Variants in ANKS1B observed in about 807,000 individuals in gnomAD.
ANKS1B encodes the protein ankyrin repeat and sterile alpha motif domain containing 1B, also known as ankyrin repeat and sterile alpha motif domain-containing protein 1B.
In ANKS1B, 36 loss-of-function variants were observed where a neutral mutation model predicts 148.3. The observed-to-expected ratio is 0.24, with a 90% CI of 0.19 to 0.32. ANKS1B has a LOEUF of 0.32. Among genes scored for constraint, ANKS1B ranks in the 10% least tolerant of loss-of-function variants. The probability of loss-of-function intolerance (pLI) is 1.00; values close to 1 mark genes in which losing one functional copy is unlikely to be tolerated. For missense variants in ANKS1B, 1,157 were observed against 1,542.6 expected (o/e 0.75, Z 4.19); for synonymous variants, 542 against 560.8 (o/e 0.97, Z 0.47).
At position 99,556,228 on chromosome 12, in the gene ANKS1B, A is replaced by C. The variant is rs141014096; in HGVS notation, c.1273-51587T>G. The stretch of plus-strand genomic sequence containing the variant: ...CTCGATTGTGTATGCAGAGGTGTTG[A>C]TAATAGTTCCTGAGGGTTTTGTGTA... On this transcript the variant is annotated intron_variant, in intron 9 of 26. Transcript: ENST00000683438. Among the ~76,000 whole-genome samples, 290 of 152,252 alleles carry C rather than the reference A, an allele frequency of 1.9e-3. 1 individual carries two copies. The highest frequency in any genetic ancestry group is 6.8e-3 in the African/African-American group (281 of 41,544).
intron 8 of ANKS1B, among the ~76,000 whole-genome samples, chr12:99,661,623 G>A (rs2098477950): frequency 6.6e-6 from 1 of 152,042 alleles, no homozygotes; most frequent in Non-Finnish European, 1.5e-5. Context: ...ACTTCCTCTT[G>A]CCTCGTACCT....
intron 17 of ANKS1B, among the ~76,000 whole-genome samples, chr12:98,945,896 T>G (rs914144432): frequency 6.6e-6 from 1 of 152,222 alleles, no homozygotes; most frequent in Non-Finnish European, 1.5e-5. Flanking sequence ...TTACAGCTTC[T>G]TGAACAAATC....
At chr12:99,321,396 C>A (rs1428059352) in intron 12 of ANKS1B, among the ~76,000 whole-genome samples, 1 of 152,212 alleles carries the variant, frequency 6.6e-6, no homozygotes, top group Non-Finnish European at 1.5e-5. Context: ...ACTCAAGCCT[C>A]GGCAATGGCG....
chr12:99,320,713 T>C (rs2085094031), intron 12 of ANKS1B, among the ~76,000 whole-genome samples: 1 of 152,212 alleles, frequency 6.6e-6, no homozygotes, highest in Non-Finnish European at 1.5e-5. Flanking sequence ...TCAAAGTCAT[T>C]TTCCGTTCAG....
At chr12:99,070,340 G>A (rs745855935) in intron 16 of ANKS1B, among the ~76,000 whole-genome samples, 8 of 152,124 alleles carry the variant, frequency 5.3e-5, no homozygotes, top group Admixed American at 1.3e-4. Context: ...GAAATACCAC[G>A]TAATGAAACA....
At chr12:99,267,914 A>T (rs2076615451) in intron 12 of ANKS1B, among the ~76,000 whole-genome samples, 1 of 152,184 alleles carries the variant, frequency 6.6e-6, no homozygotes, top group African/African-American at 2.4e-5. Flanking sequence ...TGTATGTATG[A>T]TTGCTGAAAG....
intron 12 of ANKS1B, among the ~76,000 whole-genome samples, chr12:99,315,755 T>C (rs919426633): frequency 2.0e-5 from 3 of 152,164 alleles, no homozygotes; most frequent in African/African-American, 7.2e-5. Context: ...TGTGCCATGT[T>C]GGTGTGCTGC....
At chr12:99,503,993 G>A (rs1349239268) in intron 10 of ANKS1B, among the ~76,000 whole-genome samples, 1 of 152,082 alleles carries the variant, frequency 6.6e-6, no homozygotes, top group Non-Finnish European at 1.5e-5. Flanking sequence ...CAGCAAAATA[G>A]GGATAATATT....
chr12:99,799,616 C>T (rs2066694003), intron 4 of ANKS1B, among the ~76,000 whole-genome samples: 1 of 151,938 alleles, frequency 6.6e-6, no homozygotes, highest in African/African-American at 2.4e-5. Context: ...CATAGGGAAG[C>T]CAGGGTTCAG....
At chr12:98,983,917 AG>A (rs1178635161) in intron 17 of ANKS1B, among the ~76,000 whole-genome samples, 1 of 152,216 alleles carries the variant, frequency 6.6e-6, no homozygotes, top group African/African-American at 2.4e-5. Flanking sequence ...GTAGATGAAT[AG>A]TTTTATCTCC....
chr12:99,936,589 A>G (rs1300979434), intron 1 of ANKS1B, among the ~76,000 whole-genome samples: 1 of 152,172 alleles, frequency 6.6e-6, no homozygotes, highest in Non-Finnish European at 1.5e-5. Context: ...TATGTTACTG[A>G]CTGGGAATAT....
chr12:98,844,593 T>C (rs1407400139), intron 17 of ANKS1B, among the ~76,000 whole-genome samples: 1 of 152,204 alleles, frequency 6.6e-6, no homozygotes, highest in Non-Finnish European at 1.5e-5. Context: ...TATAGTGTCT[T>C]TGATTCCAAT....
At chr12:99,740,161 A>G (rs1037756274) in intron 8 of ANKS1B, among the ~76,000 whole-genome samples, 2 of 152,004 alleles carry the variant, frequency 1.3e-5, no homozygotes, top group African/African-American at 4.8e-5. Context: ...AAAGAAATTA[A>G]TTAGCTGGCC....
chr12:99,768,672 A>G (rs2062886513), intron 8 of ANKS1B, among the ~76,000 whole-genome samples: 1 of 151,888 alleles, frequency 6.6e-6, no homozygotes, highest in African/African-American at 2.4e-5. Flanking sequence ...CTAAAATACA[A>G]AAAATTAGCC....
chr12:99,714,919 G>A (rs541598185), intron 8 of ANKS1B, among the ~76,000 whole-genome samples: 80 of 149,322 alleles, frequency 5.4e-4, no homozygotes, highest in Non-Finnish European at 9.5e-4. Flanking sequence ...AGGAGTTCGA[G>A]ACCAGCCTGG....
chr12:99,958,954 C>T (rs941567807), intron 1 of ANKS1B, among the ~76,000 whole-genome samples: 1 of 151,898 alleles, frequency 6.6e-6, no homozygotes. Context: ...AATAGGACAC[C>T]GGGGATAACA....
At chr12:99,134,443 G>A (rs912179801) in intron 15 of ANKS1B, among the ~76,000 whole-genome samples, 1 of 152,006 alleles carries the variant, frequency 6.6e-6, no homozygotes, top group Non-Finnish European at 1.5e-5. Flanking sequence ...TTGCCCATCA[G>A]AACCTCGGAA....
chr12:98,988,556 A>G (rs73384638), intron 17 of ANKS1B, among the ~76,000 whole-genome samples: 5,406 of 152,228 alleles, frequency 0.036, 345 homozygotes, highest in African/African-American at 0.12. Context: ...ATACTGCTGC[A>G]ATGAACACCA....
chr12:99,436,825 C>T (rs959647010), intron 11 of ANKS1B, among the ~76,000 whole-genome samples: 2 of 151,922 alleles, frequency 1.3e-5, no homozygotes, highest in African/African-American at 4.8e-5. Flanking sequence ...CTCATCTTTC[C>T]TCCAATCATC....
Sources: allele counts gnomAD v4.1 joint callset (sites outside exome capture counted in the v4.1 genomes callset), GRCh38; gene constraint gnomAD v4.1.1; transcripts MANE v1.5; gene names NCBI Gene and HGNC (gene_info 2026-07-23, HGNC 2026-07-21).